PPFIA2: variants seen among roughly 807,000 people sequenced by gnomAD.
The protein encoded by PPFIA2 is liprin-alpha-2.
A neutral mutation model predicts 175.5 loss-of-function variants in PPFIA2; 46 were observed. The ratio of observed to expected loss-of-function variants is 0.26; its 90% CI spans 0.21 to 0.34. The LOEUF is 0.34. Ranked by LOEUF, PPFIA2 falls within the 10% of genes least tolerant of loss-of-function variation. The pLI is 1.00. For synonymous variants in PPFIA2, 568 were observed against 511.4 expected, an observed-to-expected ratio of 1.11 and a Z score of -1.49; for missense variants, 1,179 against 1,506.1, an observed-to-expected ratio of 0.78 and a Z score of 3.60.
At chr12:81,530,891 A>C (rs1367356734) in intron 4 of PPFIA2, among the ~76,000 whole-genome samples, 1 of 151,928 alleles carries the variant, frequency 6.6e-6, no homozygotes, top group Non-Finnish European at 1.5e-5. Flanking sequence ...ATTTAAAATG[A>C]TTTAGAATTG....
chr12:81,339,619 T>C (rs2057721139), intron 20 of PPFIA2, among the ~76,000 whole-genome samples: 1 of 152,088 alleles, frequency 6.6e-6, no homozygotes, highest in Non-Finnish European at 1.5e-5. Flanking sequence ...GGCTGAGTTA[T>C]TAACTGCATG....
At chr12:81,629,872 G>A (rs1323390232) in intron 4 of PPFIA2, among the ~76,000 whole-genome samples, 1 of 152,144 alleles carries the variant, frequency 6.6e-6, no homozygotes, top group African/African-American at 2.4e-5. Context: ...AATCCCTGAA[G>A]CCTGTATGTG....
At chr12:81,745,814 T>A (rs1007660665) in intron 3 of PPFIA2, among the ~76,000 whole-genome samples, 1 of 152,210 alleles carries the variant, frequency 6.6e-6, no homozygotes, top group Admixed American at 6.5e-5. Context: ...AGACTCTATA[T>A]CCTTTACTCT....
chr12:81,703,521 A>T (rs68121631), intron 3 of PPFIA2, among the ~76,000 whole-genome samples: 51,907 of 151,762 alleles, frequency 0.34, 9,750 homozygotes, highest in Middle Eastern at 0.49. Flanking sequence ...CTAACTTGTA[A>T]CAGAAAAACT....
intron 3 of PPFIA2, among the ~76,000 whole-genome samples, chr12:81,692,556 T>C (rs1376677907): frequency 6.6e-6 from 1 of 152,152 alleles, no homozygotes; most frequent in African/African-American, 2.4e-5. Flanking sequence ...ATTTTACAGG[T>C]TGAATCTTTT....
rs151308662 is a variant in PPFIA2 at position 81,645,478 on chromosome 12, A to T, written c.303+31313T>A. Among the ~76,000 whole-genome samples the T allele has an allele frequency of 2.1e-4, 32 of 152,358 alleles. No homozygotes were observed. In the South Asian group the frequency reaches 3.5e-3, roughly 17 times the overall value. On this transcript the variant is annotated intron_variant, in intron 4 of 32. Coordinates refer to ENST00000549396, the MANE Select transcript of PPFIA2 (RefSeq NM_003625.5). ...TAATATGCACCAATACTGAAAAAAA[A>T]TAGATAAGAGTTTTATTTCTACTTC...
chr12:81,622,760 C>A (rs1439998567), intron 4 of PPFIA2, among the ~76,000 whole-genome samples: 1 of 152,106 alleles, frequency 6.6e-6, no homozygotes, highest in East Asian at 1.9e-4. Context: ...TGTGCCCTGG[C>A]TTTCATTTTT....
At chr12:81,492,054 T>G (rs983236317) in intron 4 of PPFIA2, among the ~76,000 whole-genome samples, 1 of 152,054 alleles carries the variant, frequency 6.6e-6, no homozygotes, top group African/African-American at 2.4e-5. Flanking sequence ...TTTTTATTCA[T>G]AATTACAAGA....
intron 6 of PPFIA2, 97 bp downstream of exon 6, chr12:81,445,459 T>C: frequency 8.5e-7 from 1 of 1,169,620 alleles, no homozygotes; most frequent in Non-Finnish European, 1.2e-6. Flanking sequence ...CTCAACTGAC[T>C]GACTTTAGGA....
intron 22 of PPFIA2, among the ~76,000 whole-genome samples, chr12:81,307,624 C>T (rs2049603989): frequency 9.1e-6 from 1 of 110,032 alleles, no homozygotes; most frequent in African/African-American, 2.7e-5. Flanking sequence ...TGGTGATGGG[C>T]TCCTAGAATC....
At chr12:81,319,492 A>AT (rs1463580327) in intron 22 of PPFIA2, among the ~76,000 whole-genome samples, 1 of 151,780 alleles carries the variant, frequency 6.6e-6, no homozygotes. Context: ...ACTGGGACAT[A>AT]TTTTTCCAGA....
intron 3 of PPFIA2, among the ~76,000 whole-genome samples, chr12:81,680,203 T>G (rs946611717): frequency 6.6e-6 from 1 of 152,114 alleles, no homozygotes; most frequent in African/African-American, 2.4e-5. Flanking sequence ...TTTAACCATA[T>G]TGCATACCAT....
chr12:81,753,707 CT>C (rs1198834594), intron 3 of PPFIA2, among the ~76,000 whole-genome samples: 2 of 152,016 alleles, frequency 1.3e-5, no homozygotes, highest in African/African-American at 2.4e-5. Flanking sequence ...GGTTTTCTAC[CT>C]CCCTAAAACA....
intron 4 of PPFIA2, among the ~76,000 whole-genome samples, chr12:81,510,906 C>A (rs1444272592): frequency 6.6e-6 from 1 of 152,012 alleles, no homozygotes; most frequent in East Asian, 1.9e-4. Context: ...GCCAGGGAGG[C>A]TGATGTGCAA....
chr12:81,650,755 A>G (rs1284466847), intron 4 of PPFIA2, among the ~76,000 whole-genome samples: 2 of 152,226 alleles, frequency 1.3e-5, no homozygotes, highest in African/African-American at 2.4e-5. Context: ...TTTGGCCTGA[A>G]GCCAGAGATT....
chr12:81,362,822 T>C (rs1403116033), intron 14 of PPFIA2, 38 bp from the exon 15 acceptor site: 3 of 1,240,950 alleles, frequency 2.4e-6, no homozygotes, highest in Admixed American at 2.0e-5. Flanking sequence ...ATGCCAGTAA[T>C]ATCAGCAAGC....
At chr12:81,385,264 G>A (rs768159908) in intron 8 of PPFIA2, among the ~76,000 whole-genome samples, 4 of 152,096 alleles carry the variant, frequency 2.6e-5, no homozygotes, top group Non-Finnish European at 5.9e-5. Context: ...TAGTAAAAAT[G>A]TAAATTAGTA....
chr12:81,461,223 C>T (rs543450498), intron 4 of PPFIA2, among the ~76,000 whole-genome samples: 1 of 152,082 alleles, frequency 6.6e-6, no homozygotes, highest in Non-Finnish European at 1.5e-5. Flanking sequence ...AACCATTTTA[C>T]ATGAATAACT....
chr12:81,366,879 T>C (rs1244500500), intron 14 of PPFIA2, among the ~76,000 whole-genome samples: 1 of 151,640 alleles, frequency 6.6e-6, no homozygotes, highest in Non-Finnish European at 1.5e-5. Flanking sequence ...TAGACTAATT[T>C]GGGGGGAGTT....
Sources: allele counts gnomAD v4.1 joint callset (sites outside exome capture counted in the v4.1 genomes callset), GRCh38; gene constraint gnomAD v4.1.1; transcripts MANE v1.5; gene names NCBI Gene and HGNC (gene_info 2026-07-23, HGNC 2026-07-21).